GPHN: variants seen among roughly 807,000 people sequenced by gnomAD.
GPHN encodes the protein gephyrin.
A neutral mutation model predicts 95.5 loss-of-function variants in GPHN; 17 were observed. That is an observed-to-expected ratio of 0.18 (90% CI 0.12 to 0.27). GPHN has a LOEUF of 0.27. Among genes scored for constraint, GPHN ranks in the 10% least tolerant of loss-of-function variants. GPHN has a pLI of 1.00. For missense variants in GPHN, 660 were observed against 978.1 expected (o/e 0.67, Z 4.34); for synonymous variants, 320 against 322.5 (o/e 0.99, Z 0.08).
the GPHN span, chr14:67,722,340 G>A: frequency 1.8e-5 from 9 of 499,144 alleles, no homozygotes; most frequent in East Asian, 2.6e-4. Flanking sequence ...GGGTTTAGGG[G>A]GTACTTGCTT....
the GPHN span, among the ~76,000 whole-genome samples, chr14:67,523,216 G>A: frequency 6.6e-6 from 1 of 151,898 alleles, no homozygotes; most frequent in Admixed American, 6.6e-5. Context: ...CCAGCTACTC[G>A]GGAGGCTAAG....
At chr14:66,981,475 A>AG (rs1341818254) in intron 9 of GPHN, among the ~76,000 whole-genome samples, 1 of 152,210 alleles carries the variant, frequency 6.6e-6, no homozygotes, top group African/African-American at 2.4e-5. Flanking sequence ...CTTTAAAAAA[A>AG]AAATCTCTTT....
the GPHN span, among the ~76,000 whole-genome samples, chr14:67,548,600 G>A: frequency 1.1e-4 from 17 of 152,222 alleles, no homozygotes; most frequent in Non-Finnish European, 2.2e-4. Flanking sequence ...TGGAGGCTGA[G>A]GCAGGAGAAT....
intron 12 of GPHN, among the ~76,000 whole-genome samples, chr14:67,089,418 A>G (rs889258104): frequency 2.0e-5 from 3 of 152,252 alleles, no homozygotes; most frequent in South Asian, 4.1e-4. Flanking sequence ...CATACAATGC[A>G]TAATAATCAC....
the GPHN span, among the ~76,000 whole-genome samples, chr14:67,280,906 T>TC: frequency 6.8e-6 from 1 of 146,128 alleles, no homozygotes; most frequent in Non-Finnish European, 1.5e-5. Flanking sequence ...TTTCTTTCTT[T>TC]TTTTTTTTGA....
intron 6 of GPHN, 77 bp downstream of exon 6, chr14:66,916,146 G>A: frequency 1.1e-6 from 1 of 904,782 alleles, no homozygotes; most frequent in Non-Finnish European, 1.9e-6. Flanking sequence ...CCAAAAAGTT[G>A]GAGCACTCCA....
intron 16 of GPHN, among the ~76,000 whole-genome samples, chr14:67,118,598 A>G (rs12590689): frequency 0.33 from 49,541 of 151,800 alleles, 12,864 homozygotes; most frequent in African/African-American, 0.7. Context: ...TGTGGTGGCG[A>G]GGGCCTGTAA....
intron 9 of GPHN, among the ~76,000 whole-genome samples, chr14:66,966,542 G>A (rs1299787910): frequency 2.0e-5 from 3 of 151,846 alleles, no homozygotes; most frequent in Admixed American, 1.3e-4. Context: ...ATAAAAGCAA[G>A]GAATTCTTAA....
At chr14:67,014,103 A>G (rs1184680564) in intron 9 of GPHN, among the ~76,000 whole-genome samples, 3 of 151,156 alleles carry the variant, frequency 2.0e-5, no homozygotes, top group Non-Finnish European at 4.4e-5. Flanking sequence ...CACGCAAAAC[A>G]AAAAAAAATC....
chr14:67,251,122 C>T, the GPHN span, among the ~76,000 whole-genome samples: 3 of 152,172 alleles, frequency 2.0e-5, no homozygotes, highest in Admixed American at 1.3e-4. Context: ...TCCCAAAGCC[C>T]TTGGCTTTTC....
At chr14:67,121,411 T>C (rs1567362069) in intron 16 of GPHN, among the ~76,000 whole-genome samples, 1 of 152,126 alleles carries the variant, frequency 6.6e-6, no homozygotes, top group Admixed American at 6.5e-5. Context: ...AGAATCACAT[T>C]TATTGTACAT....
At chr14:66,654,796 G>A (rs2065225078) in intron 1 of GPHN, among the ~76,000 whole-genome samples, 2 of 152,070 alleles carry the variant, frequency 1.3e-5, no homozygotes, top group Admixed American at 6.6e-5. Flanking sequence ...TCATATTTAA[G>A]TACAATGTCC....
At chr14:67,228,908 A>G in the GPHN span, among the ~76,000 whole-genome samples, 815 of 152,338 alleles carry the variant, frequency 5.3e-3, 8 homozygotes, top group African/African-American at 0.018. Flanking sequence ...AAAAAAATCC[A>G]TGTACTTTTA....
chr14:67,694,059 TGGGACTC>T, the GPHN span, among the ~76,000 whole-genome samples: 2 of 152,216 alleles, frequency 1.3e-5, no homozygotes, highest in African/African-American at 4.8e-5. Flanking sequence ...TTGGCAATGT[TGGGACTC>T]TGGTTAAAAC....
intron 1 of GPHN, among the ~76,000 whole-genome samples, chr14:66,517,724 A>G (rs1163842553): frequency 6.6e-6 from 1 of 152,172 alleles, no homozygotes; most frequent in Non-Finnish European, 1.5e-5. Flanking sequence ...GTTTCTGGGA[A>G]AAAGGATATC....
intron 8 of GPHN, among the ~76,000 whole-genome samples, chr14:66,948,743 A>G (rs1277312147): frequency 6.6e-6 from 1 of 152,220 alleles, no homozygotes; most frequent in Admixed American, 6.5e-5. Flanking sequence ...TCGACAAGGC[A>G]TTTATGCGTG....
At chr14:67,445,574 A>ATTTT in the GPHN span, among the ~76,000 whole-genome samples, 9 of 98,672 alleles carry the variant, frequency 9.1e-5, no homozygotes, top group African/African-American at 3.2e-4. Context: ...AAGAGAGGCA[A>ATTTT]TTCTTTTTTT....
In GPHN at chr14:67,023,599, A is replaced by G. The variant is rs17103837; in HGVS notation, c.964-34A>G. 0.016 allele frequency: 25,971 copies of G among 1,595,290 alleles called. 258 individuals are homozygous for G. The highest frequency in any genetic ancestry group is 0.026 in the African/African-American group (1,956 of 74,640). ...GCATATCTGCCTATTCATGCTATAAACCCTAAATTACTGAGTTTATGCTCT... is the reference window on the plus strand; with the variant it reads ...GCATATCTGCCTATTCATGCTATAAGCCCTAAATTACTGAGTTTATGCTCT... On this transcript the variant is annotated intron_variant, in intron 9 of 22. Coordinates refer to ENST00000478722, the MANE Select transcript of GPHN (RefSeq NM_020806.5).
the GPHN span, among the ~76,000 whole-genome samples, chr14:67,402,453 T>A: frequency 0.081 from 12,273 of 152,210 alleles, 806 homozygotes; most frequent in African/African-American, 0.17. Flanking sequence ...TGGTTATTTT[T>A]AAACGTACAA....
Sources: gnomAD v4.1 joint callset for allele counts (sites outside exome capture counted in the v4.1 genomes callset) on GRCh38, gnomAD v4.1.1 for gene constraint, MANE v1.5 for transcripts, NCBI Gene and HGNC (gene_info 2026-07-23, HGNC 2026-07-21) for gene names.